Variants in MPHOSPH6 observed in about 807,000 individuals in gnomAD.
MPHOSPH6 encodes the protein M-phase phosphoprotein 6.
MPHOSPH6 carries 25 observed loss-of-function variants against 21.8 expected under a neutral mutation model. The observed-to-expected ratio is 1.15, with a 90% CI of 0.83 to 1.60. The LOEUF (loss-of-function observed/expected upper bound fraction) is 1.60, where lower values mean the gene tolerates loss of function less well. Among genes scored for constraint, MPHOSPH6 ranks in the 40% most tolerant of loss-of-function variants. The pLI is 0.00. For synonymous variants in MPHOSPH6, 84 were observed against 56.5 expected (o/e 1.49, Z -2.18); for missense variants, 269 against 181.8 (o/e 1.48, Z -2.76).
intron 2 of MPHOSPH6, 79 bp downstream of exon 2, chr16:82,164,003 C>A: frequency 1.1e-6 from 1 of 899,178 alleles, no homozygotes; most frequent in East Asian, 2.5e-5. Context: ...TTTATGTCAC[C>A]GGAATGATGA....
intron 2 of MPHOSPH6, among the ~76,000 whole-genome samples, chr16:82,157,000 G>A (rs1319270919): frequency 2.6e-5 from 4 of 152,084 alleles, no homozygotes; most frequent in South Asian, 2.1e-4. Flanking sequence ...GCAGTGAGCC[G>A]CGGTTGCGCC....
At chr16:82,169,813 C>T (rs1906910589) in intron 1 of MPHOSPH6, among the ~76,000 whole-genome samples, 1 of 152,176 alleles carries the variant, frequency 6.6e-6, no homozygotes, top group African/African-American at 2.4e-5. Flanking sequence ...AACAACTTCT[C>T]GAGAAGCTCG....
chr16:82,165,144 T>TTTTTTTTTTTTTTTTTTTTTG lies in MPHOSPH6; in HGVS notation c.52-951_52-950insCAAAAAAAAAAAAAAAAAAAA, dbSNP rs1555540871. Reference sequence around the variant, plus strand: ...TTATTTTTTTTTTTATTTTTTTTTTTTGAGACAGAGTCTCACTCTGTCGCC... The same window carrying TTTTTTTTTTTTTTTTTTTTTG: ...TTATTTTTTTTTTTATTTTTTTTTTTTTTTTTTTTTTTTTTTTTTTGTGAGACAGAGTCTCACTCTGTCGCC... On this transcript the variant is annotated intron_variant, in intron 1 of 4. Coordinates refer to ENST00000258169, the MANE Select transcript of MPHOSPH6 (RefSeq NM_005792.2). Among the ~76,000 whole-genome samples, 2 of 108,690 alleles carry TTTTTTTTTTTTTTTTTTTTTG rather than the reference T, an allele frequency of 1.8e-5. 1 individual carries two copies. 71.3% of individuals were successfully genotyped at this position (108,690 alleles called of 152,430 possible).
At chr16:82,159,882 C>G (rs929893287) in intron 2 of MPHOSPH6, among the ~76,000 whole-genome samples, 1 of 152,162 alleles carries the variant, frequency 6.6e-6, no homozygotes, top group African/African-American at 2.4e-5. Context: ...TGCTGTTCAG[C>G]TTTTTCTATG....
rs567047663 is a variant in MPHOSPH6, at chr16:82,160,196, A to G, written c.164+3886T>C. 8.5e-5 allele frequency among the ~76,000 whole-genome samples: 13 copies of G among 152,326 alleles called. No individual in the cohort carries two copies. The Middle Eastern group carries it at 0.01, about 120-fold the overall frequency. On this transcript the variant is annotated intron_variant, in intron 2 of 4. Transcript: ENST00000258169. ...ATGGTTTTAAGAATTAGAAAAATTA[A>G]TTACAGAGTTGGCAAGCAAGTGAAA... is the stretch of plus-strand genomic sequence containing the variant.
At chr16:82,159,963 T>C (rs1451667296) in intron 2 of MPHOSPH6, among the ~76,000 whole-genome samples, 52 of 152,154 alleles carry the variant, frequency 3.4e-4, no homozygotes, top group Non-Finnish European at 2.8e-4. Flanking sequence ...ACCTCCTCAA[T>C]TCCAAAGTAA....
At chr16:82,148,926 C>T (rs1028453657) in intron 4 of MPHOSPH6, 63 bp from the exon 5 acceptor site, 5 of 1,567,738 alleles carry the variant, frequency 3.2e-6, no homozygotes, top group Admixed American at 3.8e-5. Flanking sequence ...CAAGCCTTGT[C>T]AAGAATATCA....
intron 3 of MPHOSPH6, 195 bp downstream of exon 3, chr16:82,151,229 T>G (rs573701322): frequency 1.6e-6 from 1 of 642,002 alleles, no homozygotes; most frequent in South Asian, 2.0e-5. Context: ...TATGAAATTA[T>G]CTACTCACCT....
intron 1 of MPHOSPH6, 134 bp downstream of exon 1, chr16:82,169,991 T>A (rs559305604): frequency 2.9e-6 from 3 of 1,028,624 alleles, no homozygotes; most frequent in African/African-American, 1.6e-5. Flanking sequence ...GCTAAGTGAA[T>A]GAATGAGCAC....
chr16:82,150,112 G>C (rs948063298), intron 3 of MPHOSPH6, among the ~76,000 whole-genome samples: 2 of 151,932 alleles, frequency 1.3e-5, no homozygotes, highest in African/African-American at 2.4e-5. Flanking sequence ...GCTTAAAAGA[G>C]TGATAATAGT....
intron 2 of MPHOSPH6, among the ~76,000 whole-genome samples, chr16:82,158,538 G>C (rs1906505776): frequency 6.8e-6 from 1 of 146,952 alleles, no homozygotes; most frequent in African/African-American, 2.5e-5. Flanking sequence ...CTTCATCATA[G>C]TCAAATAATC....
intron 1 of MPHOSPH6, among the ~76,000 whole-genome samples, chr16:82,168,189 C>T (rs975274156): frequency 6.6e-6 from 1 of 152,082 alleles, no homozygotes. Flanking sequence ...CCTGAGTCAC[C>T]CAGTACATCA....
Position 82,165,252 on chromosome 16 carries a change from C to T in MPHOSPH6, c.52-1058G>A, listed in dbSNP as rs571693163. On this transcript the variant is annotated intron_variant, in intron 1 of 4. Transcript: ENST00000258169. Reference sequence around the variant, plus strand: ...AAGAGGTTCTCCTGCCTCAGCTTCTCGAGTAGCTGAGATTACGCGCCTGCC... The same window carrying T: ...AAGAGGTTCTCCTGCCTCAGCTTCTTGAGTAGCTGAGATTACGCGCCTGCC... Among the ~76,000 whole-genome samples the T allele has an allele frequency of 4.6e-5, 7 of 150,962 alleles. No homozygotes were observed. In the East Asian group the frequency reaches 7.9e-4, roughly 17 times the overall value.
chr16:82,151,797 C>G (rs1283950799), intron 2 of MPHOSPH6, among the ~76,000 whole-genome samples: 1 of 152,170 alleles, frequency 6.6e-6, no homozygotes, highest in Non-Finnish European at 1.5e-5. Flanking sequence ...TGACAATAAA[C>G]TTGAATTTGC....
chr16:82,166,703 ATT>A (rs1360070352), intron 1 of MPHOSPH6, among the ~76,000 whole-genome samples: 1 of 152,006 alleles, frequency 6.6e-6, no homozygotes, highest in Non-Finnish European at 1.5e-5. Flanking sequence ...ATTTTTCCAG[ATT>A]CTCTTTCTGG....
rs145586406 is a variant in MPHOSPH6, at chr16:82,159,761, G to A, written c.164+4321C>T. Among the ~76,000 whole-genome samples, 464 of 152,238 alleles carry A rather than the reference G, an allele frequency of 3.0e-3. 2 individuals are homozygous for A. The highest frequency in any genetic ancestry group is 0.011 in the African/African-American group (441 of 41,526). Reference sequence around the variant, plus strand: ...AATAGCTTCTGAGTTCCAAAACTCTGAGAACCACTGTGATTTTGGTTCCTC... The same window carrying A: ...AATAGCTTCTGAGTTCCAAAACTCTAAGAACCACTGTGATTTTGGTTCCTC... On this transcript the variant is annotated intron_variant, in intron 2 of 4. Transcript: ENST00000258169.
chr16:82,166,627 C>G (rs1906789258), intron 1 of MPHOSPH6, among the ~76,000 whole-genome samples: 2 of 151,888 alleles, frequency 1.3e-5, no homozygotes, highest in African/African-American at 2.4e-5. Context: ...TAGGCGGCAC[C>G]CCTGGTACAC....
chr16:82,149,079 T>G (rs1378800538), intron 4 of MPHOSPH6, among the ~76,000 whole-genome samples: 1 of 152,228 alleles, frequency 6.6e-6, no homozygotes, highest in African/African-American at 2.4e-5. Context: ...TAAATAGAGA[T>G]GTACATTTTA....
chr16:82,149,504 T>C (rs1906194625), intron 3 of MPHOSPH6, 101 bp from the exon 4 acceptor site: 17 of 946,194 alleles, frequency 1.8e-5, no homozygotes, highest in Non-Finnish European at 2.7e-5. Flanking sequence ...TCAAATAATC[T>C]AGAGAACTAG....
Sources: allele counts gnomAD v4.1 joint callset (sites outside exome capture counted in the v4.1 genomes callset), GRCh38; gene constraint gnomAD v4.1.1; transcripts MANE v1.5; gene names NCBI Gene and HGNC (gene_info 2026-07-23, HGNC 2026-07-21).